Variants in EYS observed in about 807,000 individuals in gnomAD.
EYS encodes the protein protein eyes shut homolog.
EYS carries 250 observed loss-of-function variants against 282.1 expected under a neutral mutation model. That is an observed-to-expected ratio of 0.89 (90% CI 0.80 to 0.98). EYS has a LOEUF of 0.98. Among genes scored for constraint, EYS ranks in the 50% least tolerant of loss-of-function variants. EYS has a pLI of 0.00. For missense variants in EYS, 4,016 were observed against 3,709.0 expected (o/e 1.08, Z -2.15); for synonymous variants, 1,355 against 1,282.9 (o/e 1.06, Z -1.20).
intron 35 of EYS, among the ~76,000 whole-genome samples, chr6:63,951,348 G>A (rs1253902770): frequency 1.3e-5 from 2 of 152,086 alleles, no homozygotes; most frequent in Non-Finnish European, 2.9e-5. Context: ...GGTAATTCTT[G>A]TTGTAAAATG....
intron 2 of EYS, among the ~76,000 whole-genome samples, chr6:65,587,612 C>T (rs1279317774): frequency 6.6e-6 from 1 of 152,098 alleles, no homozygotes; most frequent in Non-Finnish European, 1.5e-5. Context: ...TATAAATACT[C>T]AGTCTCAGGT....
chr6:64,436,639 A>T (rs1321810452), intron 27 of EYS, among the ~76,000 whole-genome samples: 1 of 151,882 alleles, frequency 6.6e-6, no homozygotes. Context: ...GGTTAATACA[A>T]TCTAGAGGGC....
At chr6:64,291,589 G>T (rs1361225846) in intron 30 of EYS, among the ~76,000 whole-genome samples, 1 of 151,992 alleles carries the variant, frequency 6.6e-6, no homozygotes, top group Non-Finnish European at 1.5e-5. Context: ...ACAGTGCAGG[G>T]AAGTGAAACT....
intron 12 of EYS, among the ~76,000 whole-genome samples, chr6:65,075,160 C>T (rs1237051719): frequency 6.6e-6 from 1 of 151,930 alleles, no homozygotes; most frequent in Non-Finnish European, 1.5e-5. Context: ...CTATCTTGAA[C>T]ATTTTTGAAG....
intron 5 of EYS, among the ~76,000 whole-genome samples, chr6:65,425,201 T>C (rs396830): frequency 0.99 from 151,389 of 152,174 alleles, 75,303 homozygotes; most frequent in East Asian, 1. Flanking sequence ...TGAATAATGA[T>C]GGTAAAGGGT....
chr6:65,261,922 A>G (rs985349680), intron 12 of EYS, among the ~76,000 whole-genome samples: 2 of 152,064 alleles, frequency 1.3e-5, no homozygotes, highest in East Asian at 1.9e-4. Context: ...TGCTTTTCCA[A>G]TTGAACAAGG....
At chr6:64,470,247 A>G (rs1242405820) in intron 26 of EYS, among the ~76,000 whole-genome samples, 1 of 152,138 alleles carries the variant, frequency 6.6e-6, no homozygotes, top group African/African-American at 2.4e-5. Context: ...CGAAAAACCC[A>G]TGGACCCTGT....
At chr6:65,150,336 T>C (rs79608991) in intron 12 of EYS, among the ~76,000 whole-genome samples, 1 of 151,730 alleles carries the variant, frequency 6.6e-6, no homozygotes, top group Non-Finnish European at 1.5e-5. Context: ...GGAGTTTTAA[T>C]ACTCTTTTCA....
chr6:65,681,792 A>G (rs892900907), intron 1 of EYS, among the ~76,000 whole-genome samples: 1 of 151,840 alleles, frequency 6.6e-6, no homozygotes, highest in Non-Finnish European at 1.5e-5. Context: ...GCCCTTTGAG[A>G]TGTAAAGAAT....
intron 12 of EYS, among the ~76,000 whole-genome samples, chr6:65,225,123 A>T (rs970153792): frequency 6.6e-6 from 1 of 151,884 alleles, no homozygotes; most frequent in Non-Finnish European, 1.5e-5. Context: ...AAGGAACAAA[A>T]ATTATACACC....
intron 22 of EYS, among the ~76,000 whole-genome samples, chr6:64,801,227 A>AT (rs987513716): frequency 2.0e-5 from 3 of 152,070 alleles, no homozygotes; most frequent in Admixed American, 1.3e-4. Flanking sequence ...GTCAAATGTA[A>AT]TTTTTTTATA....
chr6:65,400,620 C>T (rs1265004881), intron 7 of EYS, among the ~76,000 whole-genome samples: 1 of 151,888 alleles, frequency 6.6e-6, no homozygotes, highest in Non-Finnish European at 1.5e-5. Flanking sequence ...AACTGTATTG[C>T]TTTAAGTTAC....
chr6:65,415,269 T>C (rs1767185016), intron 5 of EYS, among the ~76,000 whole-genome samples: 2 of 151,984 alleles, frequency 1.3e-5, no homozygotes, highest in Non-Finnish European at 2.9e-5. Context: ...ACCAGTAGAA[T>C]CAAGATTTCA....
At chr6:63,813,380 T>G (rs1486765268) in intron 36 of EYS, among the ~76,000 whole-genome samples, 2 of 152,208 alleles carry the variant, frequency 1.3e-5, no homozygotes, top group African/African-American at 4.8e-5. Flanking sequence ...GAAAATAATG[T>G]CTTCTTTAAT....
intron 36 of EYS, among the ~76,000 whole-genome samples, chr6:63,826,560 C>T (rs978016700): frequency 9.9e-5 from 15 of 152,196 alleles, no homozygotes; most frequent in African/African-American, 1.4e-4. Flanking sequence ...AGAAAATCTA[C>T]AAGCTAGAAG....
chr6:64,895,452 T>C (rs1042103360), intron 18 of EYS, among the ~76,000 whole-genome samples: 2 of 152,194 alleles, frequency 1.3e-5, no homozygotes, highest in African/African-American at 4.8e-5. Context: ...ATTGCTTGTT[T>C]GAATGTATAT....
intron 12 of EYS, among the ~76,000 whole-genome samples, chr6:65,153,556 TCTC>T (rs1164033574): frequency 6.6e-6 from 1 of 151,850 alleles, no homozygotes; most frequent in East Asian, 1.9e-4. Context: ...CTAATTTTCT[TCTC>T]TATTCTAGAG....
intron 26 of EYS, among the ~76,000 whole-genome samples, chr6:64,484,705 G>A (rs1355142218): frequency 6.6e-6 from 1 of 151,612 alleles, no homozygotes; most frequent in Non-Finnish European, 1.5e-5. Flanking sequence ...CTTAGACCAA[G>A]GCAGTGTTAT....
chr6:64,249,062 T>TAAAAAAAAAAAAAAAAA (rs1164977094), intron 30 of EYS, among the ~76,000 whole-genome samples: 1 of 45,012 alleles, frequency 2.2e-5, no homozygotes, highest in African/African-American at 1.4e-4. Context: ...ACACCCTGTC[T>TAAAAAAAAAAAAAAAAA]CAAAAAAAAA....
Sources: allele counts gnomAD v4.1 joint callset (sites outside exome capture counted in the v4.1 genomes callset), GRCh38; gene constraint gnomAD v4.1.1; transcripts MANE v1.5; gene names NCBI Gene and HGNC (gene_info 2026-07-23, HGNC 2026-07-21).